The following ACCSL variants were observed in gnomAD, a reference collection of about 807,000 sequenced individuals.
ACCSL encodes the protein probable inactive 1-aminocyclopropane-1-carboxylate synthase-like protein 2.
Under a neutral mutation model 61.7 loss-of-function variants are expected in ACCSL, and 55 were observed. That is an observed-to-expected ratio of 0.89 (90% CI 0.72 to 1.12). ACCSL has a LOEUF of 1.12. ACCSL is among the 50% of genes most tolerant of loss of function. The pLI, the probability that ACCSL is intolerant of heterozygous loss-of-function variation, is 0.00. For missense variants in ACCSL, 632 were observed against 698.0 expected (o/e 0.91, Z 1.07); for synonymous variants, 258 against 264.3 (o/e 0.98, Z 0.23).
chr11:43,934,623 G>A, the ACCSL span, among the ~76,000 whole-genome samples: 2 of 152,178 alleles, frequency 1.3e-5, no homozygotes, highest in Non-Finnish European at 2.9e-5. Context: ...GGAGAGTTCT[G>A]GGTGAGGCGG....
the ACCSL span, among the ~76,000 whole-genome samples, chr11:44,021,148 AT>A: frequency 5.9e-5 from 9 of 152,040 alleles, no homozygotes; most frequent in Non-Finnish European, 1.2e-4. Flanking sequence ...AGTGGGATTG[AT>A]GGATCAAATG....
the ACCSL span, chr11:43,995,431 G>A: frequency 0.26 from 39,740 of 152,154 alleles, 6,220 homozygotes; most frequent in South Asian, 0.35. Flanking sequence ...GAAGGCAGCC[G>A]TCAACAGAAC....
the ACCSL span, among the ~76,000 whole-genome samples, chr11:43,922,682 C>A: frequency 6.6e-6 from 1 of 152,212 alleles, no homozygotes; most frequent in African/African-American, 2.4e-5. Flanking sequence ...ACCATATCCA[C>A]CTTCAGAGAT....
At chr11:44,031,947 T>C in the ACCSL span, among the ~76,000 whole-genome samples, 129,002 of 152,176 alleles carry the variant, frequency 0.85, 54,816 homozygotes, top group African/African-American at 0.9. Flanking sequence ...TCAGGGGCAA[T>C]CTTGGGAAAT....
the ACCSL span, among the ~76,000 whole-genome samples, chr11:43,986,261 G>A: frequency 1.8e-4 from 28 of 152,064 alleles, 1 homozygote; most frequent in East Asian, 4.6e-3. Context: ...CATTGCCAGC[G>A]CTTCCTAACC....
At chr11:44,047,290 G>A (rs1481720419), upstream of ACCSL, among the ~76,000 whole-genome samples, 1 of 152,206 alleles carries the variant, frequency 6.6e-6, no homozygotes, top group Non-Finnish European at 1.5e-5. Context: ...GCCAAGTGAG[G>A]ATAGAGGAAC....
At chr11:44,053,628 C>T (rs567215799) in intron 8 of ACCSL, 122 bp downstream of exon 8, 472 of 849,894 alleles carry the variant, frequency 5.6e-4, no homozygotes, top group Non-Finnish European at 7.9e-4. Context: ...TTTGGGAGGC[C>T]GAGAAGGTGG....
the ACCSL span, among the ~76,000 whole-genome samples, chr11:44,038,728 G>T: frequency 6.6e-6 from 1 of 152,184 alleles, no homozygotes; most frequent in Admixed American, 6.5e-5. Context: ...GATGGCTACA[G>T]GGCTGAAATC....
Position 44,048,027 on chromosome 11 carries a change from T to A in ACCSL, c.-10T>A, listed in dbSNP as rs1432739502. The A allele has an allele frequency of 6.2e-7, 1 of 1,601,250 alleles. No homozygotes were observed. Among genetic ancestry groups the A allele is most frequent in the African/African-American group, 1.3e-5 (1 of 74,726 alleles). ...GGCAGCCTTCAGAGGCCAGTAAAGA[T>A]ACCCGGAGTATGAGTCATCGGTCAG... is the stretch of plus-strand genomic sequence containing the variant. On this transcript the variant is annotated 5_prime_UTR_variant, in exon 1 of 14. Coordinates refer to ENST00000378832, the MANE Select transcript of ACCSL (RefSeq NM_001031854.2).
intron 2 of ACCSL, among the ~76,000 whole-genome samples, 190 bp downstream of exon 2, chr11:44,050,311 A>G (rs1322534039): frequency 6.6e-6 from 1 of 152,218 alleles, no homozygotes; most frequent in African/African-American, 2.4e-5. Flanking sequence ...CTGATTAGGT[A>G]TATGGTGGGA....
chr11:44,008,744 C>G, the ACCSL span, among the ~76,000 whole-genome samples: 3 of 152,366 alleles, frequency 2.0e-5, no homozygotes, highest in African/African-American at 7.2e-5. Context: ...CACCTAGTGA[C>G]ATGTGCTGAA....
the ACCSL span, among the ~76,000 whole-genome samples, chr11:44,018,044 A>C: frequency 1.3e-5 from 2 of 152,250 alleles, no homozygotes; most frequent in South Asian, 2.1e-4. Flanking sequence ...TGTGAAGTAC[A>C]CAGGAGCCAG....
At chr11:43,945,115 G>A in the ACCSL span, 18 of 152,286 alleles carry the variant, frequency 1.2e-4, no homozygotes, top group African/African-American at 4.1e-4. Context: ...ACAGGCTATG[G>A]CCTTGGTGGC....
chr11:44,052,873 G>T (rs1565159078), intron 6 of ACCSL, 114 bp downstream of exon 6: 4 of 1,439,112 alleles, frequency 2.8e-6, no homozygotes, highest in Non-Finnish European at 3.9e-6. Context: ...GGGTAGGGGT[G>T]GAGAAGGCAT....
At chr11:44,041,646 G>A in the ACCSL span, among the ~76,000 whole-genome samples, 1 of 152,140 alleles carries the variant, frequency 6.6e-6, no homozygotes, top group African/African-American at 2.4e-5. Flanking sequence ...TTTTCCAGAT[G>A]TATAGTAGTA....
chr11:43,950,065 T>G, the ACCSL span, among the ~76,000 whole-genome samples: 9 of 152,232 alleles, frequency 5.9e-5, no homozygotes, highest in Non-Finnish European at 8.8e-5. Flanking sequence ...GCAGATTCAC[T>G]GAGCCAGACT....
chr11:43,929,792 T>C, the ACCSL span, among the ~76,000 whole-genome samples: 7 of 152,294 alleles, frequency 4.6e-5, no homozygotes, highest in South Asian at 1.4e-3. Context: ...TGATCCTCCC[T>C]CCTCAGGCCT....
chr11:44,046,897 C>T (rs1449448118), upstream of ACCSL, among the ~76,000 whole-genome samples: 2 of 152,000 alleles, frequency 1.3e-5, no homozygotes, highest in Non-Finnish European at 2.9e-5. Context: ...TTTTTGGTCT[C>T]GTTCAGTATT....
chr11:44,049,640 G>A (rs541858825), intron 1 of ACCSL, among the ~76,000 whole-genome samples: 1 of 152,200 alleles, frequency 6.6e-6, no homozygotes, highest in South Asian at 2.1e-4. Context: ...GCCAGATGGG[G>A]CCTTGGGGAT....
Sources: allele counts gnomAD v4.1 joint callset (sites outside exome capture counted in the v4.1 genomes callset), GRCh38; gene constraint gnomAD v4.1.1; transcripts MANE v1.5; gene names NCBI Gene and HGNC (gene_info 2026-07-23, HGNC 2026-07-21).